The following MYH16 variants were observed in gnomAD, a reference collection of about 807,000 sequenced individuals.
MYH16 encodes putative uncharacterized protein MYH16.
chr7:99,258,245 A>G (rs564268316), exon 11 of MYH16: 2 of 153,074 alleles, frequency 1.3e-5, no homozygotes, highest in South Asian at 4.1e-4. Context: ...GAACAGTGCC[A>G]AAACTCCATT....
chr7:99,253,978 G>A (rs1791841687), intron 8 of MYH16: 1 of 152,282 alleles, frequency 6.6e-6, no homozygotes, highest in African/African-American at 2.4e-5. Flanking sequence ...GCTGGGTGCG[G>A]TGGCTCACGC....
exon 20 of MYH16, chr7:99,273,370 G>A (rs1205875774): frequency 2.2e-5 from 10 of 456,740 alleles, no homozygotes; most frequent in South Asian, 6.2e-5. Context: ...TCAGCAGAAC[G>A]TGCACAAGTT....
exon 5 of MYH16, chr7:99,250,038 A>G (rs1791791857): frequency 6.5e-6 from 1 of 152,856 alleles, no homozygotes; most frequent in African/African-American, 2.4e-5. Flanking sequence ...TACTTTGCCA[A>G]CATTGGAGGA....
intron 20 of MYH16, among the ~76,000 whole-genome samples, chr7:99,276,057 T>A (rs1792108401): frequency 1.3e-5 from 2 of 152,334 alleles, no homozygotes; most frequent in East Asian, 3.9e-4. Flanking sequence ...TTGTTCTAAA[T>A]CCTCTCCTCT....
At chr7:99,277,916 T>TGTGTGTGA (rs1478749471) in intron 21 of MYH16, among the ~76,000 whole-genome samples, 1 of 132,226 alleles carries the variant, frequency 7.6e-6, no homozygotes, top group African/African-American at 3.0e-5. Flanking sequence ...TGTGTGTGTG[T>TGTGTGTGA]GAGAGAGAGA....
intron 14 of MYH16, among the ~76,000 whole-genome samples, chr7:99,264,097 T>A (rs1056327054): frequency 6.6e-6 from 1 of 152,222 alleles, no homozygotes; most frequent in African/African-American, 2.4e-5. Flanking sequence ...CCCCGGTAGA[T>A]CTCATTTTCC....
chr7:99,270,009 G>T (rs1224767745), intron 18 of MYH16, among the ~76,000 whole-genome samples: 1 of 151,824 alleles, frequency 6.6e-6, no homozygotes, highest in Non-Finnish European at 1.5e-5. Context: ...GAGTAACTGG[G>T]ATTACAGGCA....
intron 39 of MYH16, among the ~76,000 whole-genome samples, chr7:99,304,324 G>T (rs1247369191): frequency 1.3e-5 from 2 of 152,172 alleles, no homozygotes; most frequent in Non-Finnish European, 2.9e-5. Flanking sequence ...ACAGCAGTCA[G>T]TAGGGTTTGG....
chr7:99,281,022 C>A, intron 23 of MYH16, 42 bp downstream of exon 5: 1 of 327,504 alleles, frequency 3.1e-6, no homozygotes, highest in South Asian at 2.3e-5. Flanking sequence ...GCAGCTAGAG[C>A]TTGGCACAAT....
intron 2 of MYH16, among the ~76,000 whole-genome samples, chr7:99,246,641 G>A (rs1295590550): frequency 1.3e-5 from 2 of 152,138 alleles, no homozygotes; most frequent in African/African-American, 4.8e-5. Flanking sequence ...GGCAGAGGTT[G>A]CAGTGAACCC....
chr7:99,288,703 TAAAATAA>T, intron 29 of MYH16, among the ~76,000 whole-genome samples: 1 of 151,592 alleles, frequency 6.6e-6, no homozygotes, highest in South Asian at 2.1e-4. Context: ...TAAAATAAAA[TAAAATAA>T]AAAATAAAAT....
chr7:99,246,234 A>G (rs1388553628), intron 2 of MYH16, among the ~76,000 whole-genome samples: 4 of 151,938 alleles, frequency 2.6e-5, no homozygotes, highest in East Asian at 3.9e-4. Flanking sequence ...GAAAAGAAAA[A>G]AAAAAGAGAA....
downstream of MYH16, among the ~76,000 whole-genome samples, chr7:99,307,046 C>T (rs558590493): frequency 6.6e-5 from 10 of 152,314 alleles, no homozygotes; most frequent in South Asian, 1.0e-3. Flanking sequence ...TCACAGCCCT[C>T]GGGTGGGGTG....
At chr7:99,282,858 A>G (rs1358581355) in intron 23 of MYH16, among the ~76,000 whole-genome samples, 2 of 152,164 alleles carry the variant, frequency 1.3e-5, no homozygotes, top group East Asian at 3.8e-4. Flanking sequence ...TGCATATTCA[A>G]TGAAAAAGAA....
intron 10 of MYH16, chr7:99,257,531 T>C (rs1791886000): frequency 6.6e-6 from 1 of 152,570 alleles, no homozygotes; most frequent in Non-Finnish European, 1.5e-5. Context: ...TTCAGGGACA[T>C]GCCAGGTCTA....
At chr7:99,292,941 C>T (rs1792410941) in intron 32 of MYH16, among the ~76,000 whole-genome samples, 2 of 142,992 alleles carry the variant, frequency 1.4e-5, no homozygotes, top group Non-Finnish European at 3.0e-5. Context: ...GCCTGGATAA[C>T]AGAGCAGGAT....
intron 33 of MYH16, among the ~76,000 whole-genome samples, chr7:99,295,975 C>T (rs986696340): frequency 1.3e-5 from 2 of 151,494 alleles, no homozygotes; most frequent in African/African-American, 4.8e-5. Context: ...AACCCCATCT[C>T]TACTAAAAAT....
chr7:99,251,168 C>A lies in MYH16; in HGVS notation n.711C>A, dbSNP rs1204747174. 4 of 221,036 alleles carry A rather than the reference C, an allele frequency of 1.8e-5. No homozygotes were observed. In the East Asian group the frequency reaches 4.3e-4, roughly 24 times the overall value. 13.7% of individuals were successfully genotyped at this position (221,036 alleles called of 1,614,324 possible). On this transcript the variant is annotated non_coding_transcript_exon_variant, in exon 6 of 42. Transcript: ENST00000439784. ...TTGGGAACGCCAAGACCACCAGGAA[C>A]AACAACTCCTCTCGCTTCGTAAGTG...
At chr7:99,291,892 G>A (rs1387662594) in intron 31 of MYH16, among the ~76,000 whole-genome samples, 2 of 152,026 alleles carry the variant, frequency 1.3e-5, no homozygotes, top group South Asian at 2.1e-4. Flanking sequence ...GCAGGGAGCC[G>A]AGATCGCACC....
Sources: gnomAD v4.1 joint callset for allele counts (sites outside exome capture counted in the v4.1 genomes callset) on GRCh38, gnomAD v4.1.1 for gene constraint, MANE v1.5 for transcripts, NCBI Gene and HGNC (gene_info 2026-07-23, HGNC 2026-07-21) for gene names.